Variants in ALDH1A2 observed in about 807,000 individuals in gnomAD.
ALDH1A2 encodes the protein aldehyde dehydrogenase 1 family member A2.
Under a neutral mutation model 60.3 loss-of-function variants are expected in ALDH1A2, and 27 were observed. That is an observed-to-expected ratio of 0.45 (90% CI 0.33 to 0.62). The LOEUF (loss-of-function observed/expected upper bound fraction) is 0.62, where lower values mean the gene tolerates loss of function less well. ALDH1A2 is among the 20% of genes least tolerant of loss of function. The pLI is 0.02. For missense variants in ALDH1A2, 581 were observed against 643.8 expected (o/e 0.90, Z 1.06); for synonymous variants, 289 against 232.4 (o/e 1.24, Z -2.21).
intron 4 of ALDH1A2, among the ~76,000 whole-genome samples, chr15:58,008,039 A>T (rs1325145685): frequency 6.6e-6 from 1 of 152,086 alleles, no homozygotes; most frequent in Non-Finnish European, 1.5e-5. Flanking sequence ...GCCTCTAGGC[A>T]AGCCCAAATG....
At chr15:57,956,708 T>C (rs578088175) in intron 12 of ALDH1A2, among the ~76,000 whole-genome samples, 5 of 152,220 alleles carry the variant, frequency 3.3e-5, no homozygotes, top group Non-Finnish European at 7.3e-5. Context: ...TGGCTCTCTC[T>C]GGTCATTTTC....
intron 7 of ALDH1A2, among the ~76,000 whole-genome samples, chr15:57,984,133 G>A (rs1209697951): frequency 1.4e-4 from 22 of 152,164 alleles, no homozygotes; most frequent in Admixed American, 1.4e-3. Flanking sequence ...ACTGTAATAT[G>A]GAATATAGGC....
intron 7 of ALDH1A2, among the ~76,000 whole-genome samples, chr15:57,978,325 G>T (rs574871700): frequency 1.3e-5 from 2 of 152,254 alleles, no homozygotes; most frequent in South Asian, 4.1e-4. Context: ...TGTTGCCTGT[G>T]GGTTTGTCTT....
At chr15:57,956,128 TTTTGCCTTCCACCAAACATAGGG>T (rs1405090227) in intron 12 of ALDH1A2, among the ~76,000 whole-genome samples, 3 of 152,178 alleles carry the variant, frequency 2.0e-5, no homozygotes, top group South Asian at 4.2e-4. Flanking sequence ...TGATTTTTCT[TTTTGCCTTCCACCAAACATAGGG>T]TATAGCCTAC....
At chr15:57,992,397 TTTAGATTTCCAGCTTC>T (rs1475126915) in intron 7 of ALDH1A2, among the ~76,000 whole-genome samples, 1 of 152,208 alleles carries the variant, frequency 6.6e-6, no homozygotes, top group African/African-American at 2.4e-5. Context: ...CAGAGACTAG[TTTAGATTTCCAGCTTC>T]TTAACTTGCT....
rs141758881 is a variant in ALDH1A2 at position 57,960,909 on chromosome 15, G to A, written c.1410-65C>T. The A allele has an allele frequency of 2.3e-3, 3,285 of 1,449,354 alleles. 6 individuals are homozygous for A. Among genetic ancestry groups the A allele is most frequent in the Non-Finnish European group, 2.8e-3 (2,949 of 1,044,046 alleles). The allele number at this position is 1,449,354 out of a possible 1,614,324, so 89.8% of individuals were successfully genotyped here. ...TCTGAGCACATAATCTGACTGGCAT[G>A]GTATTTCTTTTAGAAGTTTTATTTT... is the stretch of plus-strand genomic sequence containing the variant. On this transcript the variant is annotated intron_variant, in intron 11 of 12. Transcript: ENST00000249750.
At chr15:58,020,494 G>A (rs1171655682) in intron 1 of ALDH1A2, among the ~76,000 whole-genome samples, 4 of 152,074 alleles carry the variant, frequency 2.6e-5, no homozygotes, top group African/African-American at 9.7e-5. Flanking sequence ...ATATTTAATA[G>A]ATGTGGTAAA....
chr15:57,996,298 C>CCTCTCT (rs35255029), intron 4 of ALDH1A2, among the ~76,000 whole-genome samples: 1 of 144,860 alleles, frequency 6.9e-6, no homozygotes, highest in African/African-American at 2.5e-5. Context: ...AAAGTCTTGG[C>CCTCTCT]CTCTCTCTCT....
At chr15:58,059,260 AT>A (rs1896965673) in intron 1 of ALDH1A2, among the ~76,000 whole-genome samples, 1 of 152,180 alleles carries the variant, frequency 6.6e-6, no homozygotes, top group African/African-American at 2.4e-5. Context: ...CGTGAATTAG[AT>A]TTGCTGTTTG....
intron 8 of ALDH1A2, chr15:57,964,792 C>T (rs1162547399): frequency 6.6e-6 from 1 of 152,262 alleles, no homozygotes; most frequent in African/African-American, 2.4e-5. Context: ...AAATGACCGA[C>T]TGACTGAATA....
intron 7 of ALDH1A2, among the ~76,000 whole-genome samples, chr15:57,992,139 C>T (rs187447327): frequency 2.6e-5 from 4 of 152,326 alleles, no homozygotes; most frequent in African/African-American, 7.2e-5. Context: ...TTAATTGGCA[C>T]ATAGCCACAC....
At chr15:58,007,756 G>A (rs141632088) in intron 4 of ALDH1A2, among the ~76,000 whole-genome samples, 1 of 150,482 alleles carries the variant, frequency 6.6e-6, no homozygotes, top group Non-Finnish European at 1.5e-5. Flanking sequence ...AGATCTCATG[G>A]TTAAAGACTA....
At chr15:58,041,927 C>T (rs539326326) in intron 1 of ALDH1A2, among the ~76,000 whole-genome samples, 4 of 151,844 alleles carry the variant, frequency 2.6e-5, no homozygotes, top group African/African-American at 4.8e-5. Flanking sequence ...AACACCATAT[C>T]GTAGTAAGTT....
At chr15:57,994,820 A>G (rs1894998611) in intron 5 of ALDH1A2, among the ~76,000 whole-genome samples, 1 of 152,194 alleles carries the variant, frequency 6.6e-6, no homozygotes, top group Non-Finnish European at 1.5e-5. Flanking sequence ...CAGGTTATTA[A>G]TACACTGTGC....
chr15:57,993,786 C>T (rs1894968543), intron 5 of ALDH1A2, among the ~76,000 whole-genome samples: 1 of 152,182 alleles, frequency 6.6e-6, no homozygotes, highest in African/African-American at 2.4e-5. Context: ...TATCAGGTGT[C>T]ATTGATAATT....
At chr15:58,021,615 A>G (rs977542767) in intron 1 of ALDH1A2, among the ~76,000 whole-genome samples, 1 of 152,196 alleles carries the variant, frequency 6.6e-6, no homozygotes, top group East Asian at 1.9e-4. Flanking sequence ...TGGGCCCCAC[A>G]TCCTTTCTGA....
At chr15:57,996,771 A>G (rs1350257376) in intron 4 of ALDH1A2, among the ~76,000 whole-genome samples, 5 of 152,060 alleles carry the variant, frequency 3.3e-5, no homozygotes, top group Non-Finnish European at 7.4e-5. Context: ...TTAACAATTC[A>G]TAATTTCAAC....
chr15:58,053,894 A>G (rs981828180), intron 1 of ALDH1A2, among the ~76,000 whole-genome samples: 1 of 152,338 alleles, frequency 6.6e-6, no homozygotes, highest in Non-Finnish European at 1.5e-5. Flanking sequence ...CAACACGTGT[A>G]GTCTTTTAAG....
intron 12 of ALDH1A2, among the ~76,000 whole-genome samples, chr15:57,958,168 A>T (rs2140444801): frequency 6.6e-6 from 1 of 152,074 alleles, no homozygotes; most frequent in South Asian, 2.1e-4. Context: ...CAAAACCATC[A>T]CCCAGACTGG....
Sources: gnomAD v4.1 joint callset for allele counts (sites outside exome capture counted in the v4.1 genomes callset) on GRCh38, gnomAD v4.1.1 for gene constraint, MANE v1.5 for transcripts, NCBI Gene and HGNC (gene_info 2026-07-23, HGNC 2026-07-21) for gene names.